IPO5: variants seen among roughly 807,000 people sequenced by gnomAD.
IPO5 encodes the protein importin 5.
IPO5 carries 18 observed loss-of-function variants against 143.3 expected under a neutral mutation model. That is an observed-to-expected ratio of 0.13 (90% CI 0.09 to 0.19). The LOEUF (loss-of-function observed/expected upper bound fraction) is 0.19, where lower values mean the gene tolerates loss of function less well. IPO5 is among the 10% of genes least tolerant of loss of function. The pLI, the probability that IPO5 is intolerant of heterozygous loss-of-function variation, is 1.00. For missense variants in IPO5, 1,013 were observed against 1,336.9 expected (o/e 0.76, Z 3.78); for synonymous variants, 477 against 465.7 (o/e 1.02, Z -0.31).
At chr13:97,990,307 C>T (rs564737408) in intron 8 of IPO5, 85 bp downstream of exon 8, 17 of 1,166,674 alleles carry the variant, frequency 1.5e-5, no homozygotes, top group African/African-American at 3.1e-5. Flanking sequence ...GTTGTTTTCA[C>T]TTTTATACTT....
chr13:97,992,809 T>C, intron 9 of IPO5, 83 bp from the exon 10 acceptor site: 1 of 1,349,798 alleles, frequency 7.4e-7, no homozygotes, highest in Non-Finnish European at 1.0e-6. Context: ...ATTTCTCTAT[T>C]GTCAGCATCT....
chr13:97,969,921 A>T lies in IPO5; in HGVS notation c.-5+91A>T. 3.2e-6 allele frequency: 3 copies of T among 945,256 alleles called. No individual in the cohort carries two copies. The East Asian group carries it at 7.9e-5, about 25-fold the overall frequency. The allele number at this position is 945,256 out of a possible 1,614,324, so 58.6% of individuals were successfully genotyped here. On this transcript the variant is annotated intron_variant, in intron 3 of 28. Transcript: ENST00000651721. ...GCCATGTTGCCCAGGCTGGTCTCGA[A>T]CTCCTGGTCTCAGGCAATCCTCCCA...
At chr13:98,016,974 C>T in intron 25 of IPO5, 123 bp downstream of exon 25, 2 of 708,564 alleles carry the variant, frequency 2.8e-6, no homozygotes, top group Non-Finnish European at 4.4e-6. Context: ...CATTGTACAT[C>T]TTTGATTTTA....
rs748716834 is a variant in IPO5 at position 97,969,798 on chromosome 13, T to C, written c.-37T>C. On this transcript the variant is annotated 5_prime_UTR_variant, in exon 3 of 29. Coordinates refer to ENST00000651721, the MANE Select transcript of IPO5 (RefSeq NM_002271.6). Reference sequence around the variant, plus strand: ...GTCTTCAAATGCCTGAGGATCAAGTTGGAAAACTAGAAGCAACAGAAAACA... The same window carrying C: ...GTCTTCAAATGCCTGAGGATCAAGTCGGAAAACTAGAAGCAACAGAAAACA... 1.2e-6 allele frequency: 2 copies of C among 1,612,882 alleles called. No individual in the cohort carries two copies. The highest frequency in any genetic ancestry group is 3.3e-5 in the Admixed American group (2 of 59,902).
At chr13:97,998,497 G>A (rs1185004108) in intron 12 of IPO5, among the ~76,000 whole-genome samples, 1 of 152,168 alleles carries the variant, frequency 6.6e-6, no homozygotes, top group African/African-American at 2.4e-5. Context: ...CTTTAGGATA[G>A]GCAGCATCCA....
intron 11 of IPO5, among the ~76,000 whole-genome samples, chr13:97,993,882 T>C (rs1169738130): frequency 6.6e-6 from 1 of 152,244 alleles, no homozygotes; most frequent in Non-Finnish European, 1.5e-5. Flanking sequence ...TGTCTTACAC[T>C]GAGGTAGTGG....
rs1889241485 is a variant in IPO5, at chr13:98,006,356, A to ATTTTGTTTTTTTTT, written c.1716+12_1716+13insGTTTTTTTTTTTTT. The ATTTTGTTTTTTTTT allele has an allele frequency of 2.0e-6, 1 of 507,094 alleles. No homozygotes were observed. Among genetic ancestry groups the ATTTTGTTTTTTTTT allele is most frequent in the African/African-American group, 5.9e-5 (1 of 16,822 alleles). 31.4% of individuals were successfully genotyped at this position (507,094 alleles called of 1,614,324 possible). On this transcript the variant is annotated intron_variant, in intron 17 of 28. Coordinates refer to ENST00000651721, the MANE Select transcript of IPO5 (RefSeq NM_002271.6). ...GCTGTTGGGAAGGAAAAAGTAAGTA[A>ATTTTGTTTTTTTTT]TTTTTTTTTTTTTTTTTTTTTTTTT...
intron 2 of IPO5, among the ~76,000 whole-genome samples, chr13:97,957,698 C>A (rs940437693): frequency 4.6e-5 from 7 of 152,086 alleles, no homozygotes; most frequent in Admixed American, 2.0e-4. Flanking sequence ...ATAAACAATT[C>A]TTTGATCAAA....
At chr13:97,961,710 C>T (rs546861080) in intron 2 of IPO5, among the ~76,000 whole-genome samples, 15 of 152,016 alleles carry the variant, frequency 9.9e-5, no homozygotes, top group Non-Finnish European at 1.6e-4. Flanking sequence ...TGCTTATTGG[C>T]CATTTGTATA....
intron 18 of IPO5, among the ~76,000 whole-genome samples, chr13:98,009,583 G>T (rs575459409): frequency 2.1e-4 from 32 of 152,302 alleles, no homozygotes; most frequent in Middle Eastern, 3.4e-3. Context: ...TCATTTAGAT[G>T]ATTCAGATGC....
rs1885670926 is a variant in IPO5, at chr13:97,969,809, A to G, written c.-26A>G. 4.3e-6 allele frequency: 7 copies of G among 1,612,700 alleles called. No individual in the cohort carries two copies. Among genetic ancestry groups the G allele is most frequent in the Non-Finnish European group, 3.4e-6 (4 of 1,178,990 alleles). On this transcript the variant is annotated 5_prime_UTR_variant, in exon 3 of 29. Transcript: ENST00000651721. Reference sequence around the variant, plus strand: ...CCTGAGGATCAAGTTGGAAAACTAGAAGCAACAGAAAACACAATAAGGTAA... The same window carrying G: ...CCTGAGGATCAAGTTGGAAAACTAGGAGCAACAGAAAACACAATAAGGTAA...
intron 20 of IPO5, among the ~76,000 whole-genome samples, chr13:98,011,689 T>G (rs1889731766): frequency 6.6e-6 from 1 of 152,142 alleles, no homozygotes; most frequent in South Asian, 2.1e-4. Context: ...GTATTTTTAG[T>G]AGAGACGGGG....
chr13:97,988,818 T>C (rs1887586987), intron 6 of IPO5, among the ~76,000 whole-genome samples: 1 of 151,708 alleles, frequency 6.6e-6, no homozygotes, highest in Non-Finnish European at 1.5e-5. Flanking sequence ...TAATATCTGA[T>C]TATCTAACCC....
intron 2 of IPO5, among the ~76,000 whole-genome samples, chr13:97,968,889 A>G (rs1885569566): frequency 6.6e-6 from 1 of 151,688 alleles, no homozygotes; most frequent in Non-Finnish European, 1.5e-5. Flanking sequence ...GGGTTTCACC[A>G]TGTTTGCCAG....
intron 2 of IPO5, among the ~76,000 whole-genome samples, chr13:97,957,996 G>GA (rs554622986): frequency 6.6e-6 from 1 of 151,168 alleles, no homozygotes; most frequent in Non-Finnish European, 1.5e-5. Context: ...CTCTGTCTCA[G>GA]AAAAAAAAGT....
chr13:98,012,510 A>G (rs1371362006), intron 21 of IPO5, among the ~76,000 whole-genome samples, 168 bp downstream of exon 21: 8 of 152,158 alleles, frequency 5.3e-5, no homozygotes, highest in Non-Finnish European at 1.0e-4. Flanking sequence ...CTTTGTTTCC[A>G]CTTGTGCCAA....
intron 9 of IPO5, among the ~76,000 whole-genome samples, chr13:97,992,228 T>A (rs1887865325): frequency 6.6e-6 from 1 of 152,236 alleles, no homozygotes; most frequent in African/African-American, 2.4e-5. Flanking sequence ...TAAGTTAAAA[T>A]GTTTACCACA....
Position 98,016,722 on chromosome 13 carries a change from T to C in IPO5, c.2494-7T>C. 7.3e-7 allele frequency: 1 copy of C among 1,374,932 alleles called. No homozygotes were observed. The highest frequency in any genetic ancestry group is 9.9e-7 in the Non-Finnish European group (1 of 1,012,126). 85.2% of individuals were successfully genotyped at this position (1,374,932 alleles called of 1,614,324 possible). ...CATATGAGTGTTTATGTGTATGTTT[T>C]TTTTAGGATGATAATGATGTTTATA... On this transcript the variant is annotated splice_region_variant and splice_polypyrimidine_tract_variant and intron_variant, in intron 24 of 28. Coordinates refer to ENST00000651721, the MANE Select transcript of IPO5 (RefSeq NM_002271.6).
chr13:97,975,961 T>C, intron 3 of IPO5: 1 of 984,538 alleles, frequency 1.0e-6, no homozygotes, highest in Non-Finnish European at 1.2e-6. Flanking sequence ...CTGGGGGAGG[T>C]CGGAGGGTCT....
Sources: gnomAD v4.1 joint callset for allele counts (sites outside exome capture counted in the v4.1 genomes callset) on GRCh38, gnomAD v4.1.1 for gene constraint, MANE v1.5 for transcripts, NCBI Gene and HGNC (gene_info 2026-07-23, HGNC 2026-07-21) for gene names.